The following SLC30A7 variants were observed in gnomAD, a reference collection of about 807,000 sequenced individuals.
SLC30A7 encodes zinc transporter 7.
In SLC30A7, 35 loss-of-function variants were observed where a neutral mutation model predicts 46.0. That is an observed-to-expected ratio of 0.76 (90% confidence interval 0.58 to 1.01). The LOEUF (loss-of-function observed/expected upper bound fraction) is 1.01, where lower values mean the gene tolerates loss of function less well. SLC30A7 is among the 50% of genes least tolerant of loss of function. The pLI is 0.00. For synonymous variants in SLC30A7, 147 were observed against 157.8 expected (o/e 0.93, Z 0.51); for missense variants, 464 against 451.1 (o/e 1.03, Z -0.26).
intron 8 of SLC30A7, among the ~76,000 whole-genome samples, chr1:100,949,876 G>A (rs1654866582): frequency 6.6e-6 from 1 of 152,236 alleles, no homozygotes. Context: ...GAAAAGTGCA[G>A]TATGTAGGTG....
chr1:100,983,986 G>A (rs1325652145), downstream of SLC30A7, among the ~76,000 whole-genome samples: 1 of 152,172 alleles, frequency 6.6e-6, no homozygotes, highest in Non-Finnish European at 1.5e-5. Context: ...CTTTCCCCGT[G>A]AGCAATAATT....
intron 8 of SLC30A7, among the ~76,000 whole-genome samples, chr1:100,937,993 G>A (rs926708818): frequency 6.6e-6 from 1 of 152,172 alleles, no homozygotes; most frequent in Non-Finnish European, 1.5e-5. Context: ...TGAGAAGTCT[G>A]TCCTTTCCCC....
chr1:100,921,719 T>A lies in SLC30A7; in HGVS notation c.720T>A (p.His240Gln). ...SRQILQGVFLHILADTLGSIG... is the reference protein window; with the variant it reads ...SRQILQGVFLQILADTLGSIG... Reference sequence around the variant, plus strand: ...GTTTATTTCTAGGTGTATTTTTACATATCCTAGCAGATACACTTGGAAGTA... The same window carrying A: ...GTTTATTTCTAGGTGTATTTTTACAAATCCTAGCAGATACACTTGGAAGTA... Residue 240 changes from histidine to glutamine, a missense_variant, in exon 8 of 11, where the codon CAT (histidine) becomes CAA (glutamine). His to Gln is a conservative substitution (Grantham distance 24). Coordinates refer to ENST00000357650, the MANE Select transcript of SLC30A7 (RefSeq NM_133496.5). 6.2e-7 allele frequency: 1 copy of A among 1,610,260 alleles called. No individual in the cohort carries two copies. Among genetic ancestry groups the A allele is most frequent in the East Asian group, 2.2e-5 (1 of 44,740 alleles).
chr1:100,984,681 G>C (rs1302688262), downstream of SLC30A7, among the ~76,000 whole-genome samples: 4 of 152,134 alleles, frequency 2.6e-5, no homozygotes, highest in African/African-American at 9.7e-5. Context: ...CAAAAAGATT[G>C]ATATTCTCCA....
intron 7 of SLC30A7, among the ~76,000 whole-genome samples, chr1:100,920,169 A>G (rs1652850701): frequency 6.6e-6 from 1 of 151,892 alleles, no homozygotes; most frequent in South Asian, 2.1e-4. Flanking sequence ...ACAAATCATT[A>G]TTTTCTTTTT....
At chr1:100,916,462 G>T (rs1316639404) in intron 6 of SLC30A7, among the ~76,000 whole-genome samples, 1 of 152,170 alleles carries the variant, frequency 6.6e-6, no homozygotes, top group Non-Finnish European at 1.5e-5. Context: ...TGAGATTACA[G>T]GTGTGAGCCA....
At chr1:100,983,229 A>G (rs1456280754), downstream of SLC30A7, among the ~76,000 whole-genome samples, 4 of 152,158 alleles carry the variant, frequency 2.6e-5, no homozygotes, top group African/African-American at 9.7e-5. Context: ...CAGCAGAGAC[A>G]AGGAGGAGCA....
chr1:100,896,363 G>A, intron 1 of SLC30A7, 21 bp downstream of exon 1: 1 of 1,613,398 alleles, frequency 6.2e-7, no homozygotes, highest in East Asian at 2.2e-5. Flanking sequence ...CTGTGTTTGC[G>A]GGGAGGGGGT....
At position 100,906,995 on chromosome 1, in the gene SLC30A7, T is replaced by C. The variant is rs771873797; in HGVS notation, c.296+30T>C. 6 of 1,430,824 alleles carry C rather than the reference T, an allele frequency of 4.2e-6. No homozygotes were observed. The East Asian group carries it at 6.8e-5, about 16-fold the overall frequency. 88.6% of individuals were successfully genotyped at this position (1,430,824 alleles called of 1,614,324 possible). On this transcript the variant is annotated intron_variant, in intron 3 of 10. Coordinates refer to ENST00000357650, the MANE Select transcript of SLC30A7 (RefSeq NM_133496.5). ...GACTTTAAGAAAAAAAATCTTTTTA[T>C]TGAAGTATAAGATATACACAAAAAA...
chr1:100,937,133 A>G (rs757904792), intron 8 of SLC30A7, among the ~76,000 whole-genome samples: 3 of 152,196 alleles, frequency 2.0e-5, no homozygotes, highest in Non-Finnish European at 4.4e-5. Context: ...ATTCCTAAGA[A>G]ATAAATCAAT....
chr1:100,930,217 A>G (rs1241134785), intron 8 of SLC30A7, among the ~76,000 whole-genome samples: 1 of 152,046 alleles, frequency 6.6e-6, no homozygotes. Flanking sequence ...GTACTTTTAT[A>G]TACATATATA....
chr1:100,941,504 C>A, intron 8 of SLC30A7: 5 of 515,570 alleles, frequency 9.7e-6, no homozygotes, highest in South Asian at 7.7e-5. Flanking sequence ...CACAGTCATG[C>A]TTACAAAGGC....
At chr1:100,941,071 TGGTTTC>T in intron 8 of SLC30A7, 1 of 320,878 alleles carries the variant, frequency 3.1e-6, no homozygotes, top group South Asian at 3.3e-5. Context: ...ACAGCCACCT[TGGTTTC>T]ATAGTTTAGA....
At chr1:100,991,070 ATC>A in the SLC30A7 span, among the ~76,000 whole-genome samples, 5 of 152,220 alleles carry the variant, frequency 3.3e-5, no homozygotes, top group African/African-American at 1.2e-4. Context: ...CTGCCTTGCC[ATC>A]CAATTAGCTG....
chr1:100,940,692 T>C (rs976522031), intron 8 of SLC30A7, among the ~76,000 whole-genome samples: 1 of 152,214 alleles, frequency 6.6e-6, no homozygotes, highest in Non-Finnish European at 1.5e-5. Context: ...TTCAGTGTCA[T>C]GATCGGACTA....
At chr1:100,992,274 G>A in the SLC30A7 span, among the ~76,000 whole-genome samples, 1 of 152,000 alleles carries the variant, frequency 6.6e-6, no homozygotes, top group Non-Finnish European at 1.5e-5. Flanking sequence ...ATAAAAGAAC[G>A]ATAAGTATAT....
At chr1:100,904,567 T>G (rs558324367) in intron 2 of SLC30A7, among the ~76,000 whole-genome samples, 2 of 151,456 alleles carry the variant, frequency 1.3e-5, no homozygotes, top group Non-Finnish European at 2.9e-5. Context: ...ATTTTGAAAT[T>G]TTTTTTATCA....
chr1:100,913,836 C>A, intron 6 of SLC30A7, 30 bp downstream of exon 6: 1 of 1,575,586 alleles, frequency 6.3e-7, no homozygotes, highest in Non-Finnish European at 8.6e-7. Context: ...AAATGGACAG[C>A]CTCCAAATAA....
intron 7 of SLC30A7, among the ~76,000 whole-genome samples, chr1:100,919,438 T>A (rs1557984043): frequency 2.0e-5 from 3 of 152,198 alleles, no homozygotes; most frequent in Admixed American, 6.5e-5. Context: ...TCTCGTTTTT[T>A]ATTTTTTCAC....
Sources: gnomAD v4.1 joint callset for allele counts (sites outside exome capture counted in the v4.1 genomes callset) on GRCh38, gnomAD v4.1.1 for gene constraint, MANE v1.5 for transcripts, NCBI Gene and HGNC (gene_info 2026-07-23, HGNC 2026-07-21) for gene names.